Variants in SPMIP4 observed in about 807,000 individuals in gnomAD.
SPMIP4 encodes the protein sperm microtubule inner protein 4, also known as sperm-associated microtubule inner protein 4.
the SPMIP4 span, among the ~76,000 whole-genome samples, chr7:25,149,227 T>C: frequency 2.6e-5 from 4 of 152,222 alleles, no homozygotes; most frequent in African/African-American, 9.6e-5. Context: ...ATAATGAGAC[T>C]TCATCTCTTA....
At chr7:25,160,085 T>G in the SPMIP4 span, among the ~76,000 whole-genome samples, 2 of 152,224 alleles carry the variant, frequency 1.3e-5, no homozygotes, top group Non-Finnish European at 2.9e-5. Context: ...CACCTCTTCC[T>G]TGACCTAAAT....
the SPMIP4 span, chr7:25,125,783 G>T: frequency 2.7e-6 from 1 of 364,714 alleles, no homozygotes; most frequent in Non-Finnish European, 3.8e-6. Context: ...CTACTACCAC[G>T]GCTGGCGCCA....
chr7:25,133,514 A>T, the SPMIP4 span, among the ~76,000 whole-genome samples: 36 of 152,064 alleles, frequency 2.4e-4, no homozygotes, highest in Non-Finnish European at 7.4e-5. Flanking sequence ...GGTCATATTT[A>T]GAAGATCTCT....
At chr7:25,176,105 C>T in the SPMIP4 span, among the ~76,000 whole-genome samples, 1 of 152,088 alleles carries the variant, frequency 6.6e-6, no homozygotes, top group Non-Finnish European at 1.5e-5. This position sits in a 1 kb window ranked among gnomAD's most constrained non-coding sequence, Gnocchi z 4.4. Flanking sequence ...TTATAGTTGG[C>T]CATATATCGT....
At chr7:25,155,050 G>A in the SPMIP4 span, 1 of 1,614,054 alleles carries the variant, frequency 6.2e-7, no homozygotes, top group Non-Finnish European at 8.5e-7. Context: ...GCCTTGGTTG[G>A]CACCGTGGGA....
chr7:25,162,826 C>T, the SPMIP4 span, among the ~76,000 whole-genome samples: 1 of 151,996 alleles, frequency 6.6e-6, no homozygotes, highest in African/African-American at 2.4e-5. Flanking sequence ...GGCTGGAGTG[C>T]AATGGCGTGA....
chr7:25,135,030 A>G, the SPMIP4 span: 4 of 700,114 alleles, frequency 5.7e-6, no homozygotes, highest in African/African-American at 1.9e-5. Flanking sequence ...TAAAATTAAA[A>G]TAAATATTCA....
chr7:25,171,526 C>T, the SPMIP4 span, among the ~76,000 whole-genome samples: 3 of 152,046 alleles, frequency 2.0e-5, no homozygotes, highest in South Asian at 2.1e-4. Context: ...CCAGTAATGG[C>T]GGCCTAGGTT....
At chr7:25,140,833 C>T in the SPMIP4 span, among the ~76,000 whole-genome samples, 1 of 152,136 alleles carries the variant, frequency 6.6e-6, no homozygotes, top group African/African-American at 2.4e-5. Flanking sequence ...GCGATCCACC[C>T]GCCTCAGCCT....
At chr7:25,135,974 A>C in the SPMIP4 span, 1 of 1,587,404 alleles carries the variant, frequency 6.3e-7, no homozygotes, top group African/African-American at 1.4e-5. Context: ...TGAGTATCTC[A>C]ATTATAGAAA....
At chr7:25,177,592 A>C in the SPMIP4 span, among the ~76,000 whole-genome samples, 4 of 152,352 alleles carry the variant, frequency 2.6e-5, no homozygotes, top group African/African-American at 9.6e-5. Flanking sequence ...TTTTCTCAAA[A>C]TGATTCAAGT....
chr7:25,144,468 C>CA, the SPMIP4 span, among the ~76,000 whole-genome samples: 1 of 152,216 alleles, frequency 6.6e-6, no homozygotes, highest in African/African-American at 2.4e-5. Context: ...AACAGGCATG[C>CA]AGTCATGTTT....
the SPMIP4 span, among the ~76,000 whole-genome samples, chr7:25,134,333 T>TAAAAAAAAAAAAAAAAACAAAAAAA: frequency 7.7e-6 from 1 of 129,906 alleles, no homozygotes. Context: ...ACACATTTTG[T>TAAAAAAAAAAAAAAAAACAAAAAAA]AAAAAAAAAA....
the SPMIP4 span, chr7:25,151,736 T>C: frequency 1.0e-6 from 1 of 954,530 alleles, no homozygotes; most frequent in South Asian, 1.4e-5. Context: ...AGAGGATTAA[T>C]AGGTACAATA....
the SPMIP4 span, among the ~76,000 whole-genome samples, chr7:25,157,846 T>G: frequency 0.22 from 33,002 of 152,078 alleles, 5,763 homozygotes; most frequent in African/African-American, 0.49. Flanking sequence ...ATCAGCAATG[T>G]TTCATTAATT....
the SPMIP4 span, among the ~76,000 whole-genome samples, chr7:25,144,265 CT>C: frequency 6.6e-6 from 1 of 152,146 alleles, no homozygotes; most frequent in Non-Finnish European, 1.5e-5. Flanking sequence ...AAATATGTTC[CT>C]TTCACCTGCT....
the SPMIP4 span, among the ~76,000 whole-genome samples, chr7:25,174,189 C>T: frequency 6.6e-6 from 1 of 151,578 alleles, no homozygotes; most frequent in South Asian, 2.1e-4. The surrounding 1 kb of genome is among the most constrained non-coding windows in gnomAD (Gnocchi z 4.5). Flanking sequence ...TTTCTCTTTC[C>T]CCCTCTCTCT....
chr7:25,161,086 T>A, the SPMIP4 span: 3 of 615,780 alleles, frequency 4.9e-6, no homozygotes, highest in African/African-American at 5.8e-5. Flanking sequence ...AATAATTTGT[T>A]TCTCTAAAAG....
chr7:25,168,366 G>T, the SPMIP4 span: 2 of 1,613,482 alleles, frequency 1.2e-6, no homozygotes, highest in Non-Finnish European at 8.5e-7. Flanking sequence ...ACTTTGGCCT[G>T]TGGTCCTCGG....
Sources: allele counts gnomAD v4.1 joint callset (sites outside exome capture counted in the v4.1 genomes callset), GRCh38; gene constraint gnomAD v4.1.1; non-coding constraint Gnocchi (gnomAD v3.1); transcripts MANE v1.5; gene names NCBI Gene and HGNC (gene_info 2026-07-23, HGNC 2026-07-21).